Variants in FBN2 observed in about 807,000 individuals in gnomAD.
The protein encoded by FBN2 is fibrillin-2.
FBN2 carries 105 observed loss-of-function variants against 355.6 expected under a neutral mutation model. That is an observed-to-expected ratio of 0.30 (90% CI 0.25 to 0.35). FBN2 has a LOEUF of 0.35. Ranked by LOEUF, FBN2 falls within the 10% of genes least tolerant of loss-of-function variation. FBN2 has a pLI of 1.00. For missense variants in FBN2, 3,280 were observed against 3,758.7 expected (o/e 0.87, Z 3.33); for synonymous variants, 1,350 against 1,301.2 (o/e 1.04, Z -0.81).
At chr5:128,384,859 A>C (rs1342767978) in intron 11 of FBN2, among the ~76,000 whole-genome samples, 1 of 152,014 alleles carries the variant, frequency 6.6e-6, no homozygotes, top group Non-Finnish European at 1.5e-5. Context: ...GCAAACATGG[A>C]GTACATCTTA....
chr5:128,500,990 A>G (rs1323209072), intron 5 of FBN2, among the ~76,000 whole-genome samples: 1 of 152,228 alleles, frequency 6.6e-6, no homozygotes, highest in African/African-American at 2.4e-5. Flanking sequence ...AGCATTAAGC[A>G]CAAAGAACAT....
intron 7 of FBN2, among the ~76,000 whole-genome samples, chr5:128,445,474 C>A (rs1049965781): frequency 6.6e-6 from 1 of 152,118 alleles, no homozygotes; most frequent in Non-Finnish European, 1.5e-5. Context: ...TGCTGTTTAT[C>A]TTCTATAATT....
At chr5:128,307,044 T>C in intron 42 of FBN2, 91 bp downstream of exon 42, 1 of 833,156 alleles carries the variant, frequency 1.2e-6, no homozygotes. Context: ...TATTATATTT[T>C]GTGGTACTCT....
At chr5:128,342,542 C>G (rs1427913440) in intron 25 of FBN2, among the ~76,000 whole-genome samples, 1 of 151,914 alleles carries the variant, frequency 6.6e-6, no homozygotes, top group East Asian at 1.9e-4. Context: ...TATTTTGAAC[C>G]TGTGTATAAG....
chr5:128,432,906 C>T (rs1244970088), intron 7 of FBN2, among the ~76,000 whole-genome samples: 2 of 151,720 alleles, frequency 1.3e-5, no homozygotes, highest in East Asian at 3.9e-4. Flanking sequence ...GAAGAAGAGG[C>T]ACATTTTACA....
At chr5:128,530,541 T>G in intron 3 of FBN2, 54 bp downstream of exon 3, 1 of 1,206,812 alleles carries the variant, frequency 8.3e-7, no homozygotes, top group East Asian at 2.3e-5. Context: ...CCTTTAGCAT[T>G]TGCTCCAAAG....
chr5:128,369,430 G>T, intron 15 of FBN2, 96 bp from the exon 16 acceptor site: 1 of 1,232,408 alleles, frequency 8.1e-7, no homozygotes, highest in Non-Finnish European at 1.2e-6. Context: ...CCACTAGACT[G>T]GAAGCTTTTC....
chr5:128,293,643 T>C (rs1465709956), intron 48 of FBN2, among the ~76,000 whole-genome samples: 1 of 152,112 alleles, frequency 6.6e-6, no homozygotes, highest in Non-Finnish European at 1.5e-5. Flanking sequence ...CATACTTTCA[T>C]TAAGAGGAAA....
chr5:128,395,861 T>TA (rs1752637877), intron 8 of FBN2, among the ~76,000 whole-genome samples: 1 of 152,214 alleles, frequency 6.6e-6, no homozygotes. Context: ...GATGGTCCTA[T>TA]AGGCCATTAG....
At chr5:128,421,425 G>T (rs1483382635) in intron 7 of FBN2, among the ~76,000 whole-genome samples, 1 of 152,098 alleles carries the variant, frequency 6.6e-6, no homozygotes, top group Non-Finnish European at 1.5e-5. Context: ...AGAATAAGGG[G>T]AAATGGCAAT....
At chr5:128,318,031 C>T (rs1048657509) in intron 36 of FBN2, 118 bp downstream of exon 36, 4 of 1,065,126 alleles carry the variant, frequency 3.8e-6, no homozygotes, top group Admixed American at 3.7e-5. Flanking sequence ...TAAAGGCGAC[C>T]ACATAATGTT....
chr5:128,332,859 G>A (rs1019020945), intron 32 of FBN2, 53 bp downstream of exon 32: 8 of 1,575,868 alleles, frequency 5.1e-6, no homozygotes, highest in African/African-American at 1.3e-5. Flanking sequence ...ATGCAAAAAA[G>A]AGCCTTTAAA....
chr5:128,399,310 T>C (rs528607752), intron 8 of FBN2, among the ~76,000 whole-genome samples: 16 of 152,332 alleles, frequency 1.1e-4, no homozygotes, highest in Admixed American at 2.6e-4. Context: ...AAAAATAAAT[T>C]GCTGACTTTT....
chr5:128,335,074 C>G lies in FBN2; in HGVS notation c.3973+96G>C, dbSNP rs959939877. Reference sequence around the variant, plus strand: ...AAAATGATTTGAATTTTTAAAATAACAACAGAAAAAGCCTTCCTTTTATCA... The same window carrying G: ...AAAATGATTTGAATTTTTAAAATAAGAACAGAAAAAGCCTTCCTTTTATCA... On this transcript the variant is annotated intron_variant, in intron 30 of 64. Coordinates refer to ENST00000262464, the MANE Select transcript of FBN2 (RefSeq NM_001999.4). The G allele has an allele frequency of 5.2e-6, 8 of 1,528,616 alleles. No homozygotes were observed. The Admixed American group carries it at 1.0e-4, about 20-fold the overall frequency. 94.7% of individuals were successfully genotyped at this position (1,528,616 alleles called of 1,614,324 possible).
At chr5:128,277,840 TA>T in intron 58 of FBN2, 39 bp downstream of exon 58, 1 of 1,612,286 alleles carries the variant, frequency 6.2e-7, no homozygotes, top group Non-Finnish European at 8.5e-7. Context: ...AGTAGCTGAT[TA>T]GCCCCCAAAC....
At chr5:128,419,804 T>C (rs1753298395) in intron 7 of FBN2, among the ~76,000 whole-genome samples, 1 of 152,148 alleles carries the variant, frequency 6.6e-6, no homozygotes, top group African/African-American at 2.4e-5. Context: ...GTGATTCTCC[T>C]GCTTCAGCCT....
At chr5:128,402,483 G>GT (rs1752823055) in intron 8 of FBN2, among the ~76,000 whole-genome samples, 1 of 151,482 alleles carries the variant, frequency 6.6e-6, no homozygotes, top group African/African-American at 2.4e-5. Flanking sequence ...ATTTTGAAAC[G>GT]TAATAAAGGT....
intron 62 of FBN2, among the ~76,000 whole-genome samples, chr5:128,266,209 A>G (rs145830490): frequency 5.2e-4 from 79 of 152,306 alleles, no homozygotes; most frequent in African/African-American, 1.9e-3. Flanking sequence ...GGATTCCTCA[A>G]CCCTGCCCAG....
intron 6 of FBN2, among the ~76,000 whole-genome samples, chr5:128,458,501 T>A (rs1196344391): frequency 1.3e-5 from 2 of 151,388 alleles, no homozygotes; most frequent in African/African-American, 4.9e-5. Flanking sequence ...ATCAACAGAA[T>A]ATACATTCTT....
Sources: gnomAD v4.1 joint callset for allele counts (sites outside exome capture counted in the v4.1 genomes callset) on GRCh38, gnomAD v4.1.1 for gene constraint, MANE v1.5 for transcripts, NCBI Gene and HGNC (gene_info 2026-07-23, HGNC 2026-07-21) for gene names.